Variants in RERE observed in about 807,000 individuals in gnomAD.
RERE encodes the protein arginine-glutamic acid dipeptide repeats, also known as arginine-glutamic acid dipeptide repeats protein.
In RERE, 40 loss-of-function variants were observed where a neutral mutation model predicts 146.1. That is an observed-to-expected ratio of 0.27 (90% CI 0.21 to 0.36). The LOEUF (loss-of-function observed/expected upper bound fraction) is 0.36. Among genes scored for constraint, RERE ranks in the 10% least tolerant of loss-of-function variants. RERE has a pLI of 1.00. For synonymous variants in RERE, 1,003 were observed against 866.0 expected (o/e 1.16, Z -2.78); for missense variants, 1,933 against 2,138.7 (o/e 0.90, Z 1.90).
chr1:8,451,157 G>A (rs1314117742), intron 11 of RERE, among the ~76,000 whole-genome samples: 4 of 152,130 alleles, frequency 2.6e-5, no homozygotes, highest in Non-Finnish European at 2.9e-5. Flanking sequence ...TCAGCTGGGC[G>A]CGGTGGCTCA....
intron 11 of RERE, among the ~76,000 whole-genome samples, chr1:8,438,859 C>T (rs1198231657): frequency 1.3e-5 from 2 of 152,172 alleles, no homozygotes; most frequent in African/African-American, 2.4e-5. Context: ...AAGCTCATTA[C>T]AGGCCCTAAT....
chr1:8,759,156 G>A (rs1378169082), intron 1 of RERE, among the ~76,000 whole-genome samples: 1 of 152,114 alleles, frequency 6.6e-6, no homozygotes, highest in Middle Eastern at 3.2e-3. Context: ...TCAAAGAAAG[G>A]AAAGAGGTAT....
intron 1 of RERE, among the ~76,000 whole-genome samples, chr1:8,808,332 G>A (rs1027490617): frequency 1.3e-5 from 2 of 152,014 alleles, no homozygotes; most frequent in African/African-American, 4.8e-5. Flanking sequence ...ACCTCAAAGA[G>A]AATCTATTCA....
intron 1 of RERE, among the ~76,000 whole-genome samples, chr1:8,804,358 G>A (rs1040737373): frequency 1.3e-5 from 2 of 152,116 alleles, no homozygotes; most frequent in African/African-American, 2.4e-5. Flanking sequence ...AACTGGAGGT[G>A]GGGGGTTATT....
intron 1 of RERE, among the ~76,000 whole-genome samples, chr1:8,666,358 C>G (rs982147119): frequency 1.3e-5 from 2 of 152,228 alleles, no homozygotes; most frequent in African/African-American, 4.8e-5. Context: ...TTAGCATCCT[C>G]CTTTAGGAAC....
intron 4 of RERE, among the ~76,000 whole-genome samples, chr1:8,592,242 G>A (rs1646503602): frequency 6.6e-6 from 1 of 152,056 alleles, no homozygotes; most frequent in Non-Finnish European, 1.5e-5. Context: ...ACAGGCTCCT[G>A]CCCTTCCAAA....
chr1:8,455,549 C>T (rs1417458824), intron 11 of RERE, among the ~76,000 whole-genome samples: 2 of 152,172 alleles, frequency 1.3e-5, no homozygotes, highest in Non-Finnish European at 2.9e-5. Flanking sequence ...GAGTTGGTTG[C>T]TCCTTCCAAA....
chr1:8,550,156 G>C (rs1468800305), intron 6 of RERE, among the ~76,000 whole-genome samples: 1 of 152,168 alleles, frequency 6.6e-6, no homozygotes, highest in East Asian at 1.9e-4. Context: ...CTGAGTACTT[G>C]TAACTTTGCT....
intron 1 of RERE, among the ~76,000 whole-genome samples, chr1:8,716,842 G>A (rs1311742536): frequency 6.6e-6 from 1 of 151,956 alleles, no homozygotes; most frequent in Non-Finnish European, 1.5e-5. Context: ...CCTAGCCAAA[G>A]AAGCAATCAA....
At chr1:8,450,792 T>A (rs1644381801) in intron 11 of RERE, among the ~76,000 whole-genome samples, 1 of 152,152 alleles carries the variant, frequency 6.6e-6, no homozygotes, top group Admixed American at 6.5e-5. Context: ...CTCCTTCTTA[T>A]CCTGTGACCA....
intron 1 of RERE, among the ~76,000 whole-genome samples, chr1:8,756,840 C>A (rs1640647793): frequency 6.6e-6 from 1 of 152,048 alleles, no homozygotes. Flanking sequence ...ACCTGTAATC[C>A]CAGCACTTTG....
intron 11 of RERE, chr1:8,424,283 G>C (rs1337505300): frequency 1.3e-5 from 2 of 152,256 alleles, no homozygotes; most frequent in Admixed American, 6.5e-5. Flanking sequence ...CACCGCGGAA[G>C]CTTCCCAGCC....
rs1646222418 is a variant in RERE, at chr1:8,571,629, C to A, written c.523-14106G>T. On this transcript the variant is annotated intron_variant, in intron 4 of 22. Coordinates refer to ENST00000400908, the MANE Select transcript of RERE (RefSeq NM_001042681.2). ...CTTATCTTAAATATCTTAATTATTT[C>A]TTCTCTTCCTTTAACTTAAACCAAA... 2.0e-5 allele frequency among the ~76,000 whole-genome samples: 3 copies of A among 152,182 alleles called. No individual in the cohort carries two copies. The South Asian group carries it at 6.2e-4, about 31-fold the overall frequency.
At chr1:8,428,747 G>A (rs949862646) in intron 11 of RERE, among the ~76,000 whole-genome samples, 1 of 152,142 alleles carries the variant, frequency 6.6e-6, no homozygotes, top group African/African-American at 2.4e-5. Flanking sequence ...TTCTGACATG[G>A]CTGTTTAGAC....
chr1:8,814,646 T>A (rs148178530), intron 1 of RERE, among the ~76,000 whole-genome samples: 28 of 152,342 alleles, frequency 1.8e-4, no homozygotes, highest in African/African-American at 6.5e-4. Context: ...GAAAAACCTC[T>A]GTCCAGTGCT....
At chr1:8,630,963 A>T (rs1647028246) in intron 2 of RERE, among the ~76,000 whole-genome samples, 1 of 152,216 alleles carries the variant, frequency 6.6e-6, no homozygotes, top group African/African-American at 2.4e-5. Flanking sequence ...CCATGTATTG[A>T]AATGTCTATA....
At chr1:8,478,243 C>A (rs12402539) in intron 10 of RERE, among the ~76,000 whole-genome samples, 25,298 of 152,144 alleles carry the variant, frequency 0.17, 2,358 homozygotes, top group Middle Eastern at 0.29. Flanking sequence ...CTAACAGTTG[C>A]ACATTCTTTT....
chr1:8,360,421 GC>G lies in RERE; in HGVS notation c.3085del (p.Ala1029ProfsTer52). On this transcript the variant is annotated frameshift_variant, in exon 18 of 23. Coordinates refer to ENST00000400908, the MANE Select transcript of RERE (RefSeq NM_001042681.2). LOFTEE classifies it high-confidence loss of function. ...SHPPTGLHQVAPQPPFAQHPF... is the reference protein window; with the variant it reads ...SHPPTGLHQVXPQPPFAQHPF... Reference sequence around the variant, plus strand: ...GTGCTGAGCAAACGGGGGTTGGGGGGCCACCTGGTGGAGGCCTGTAGGGGGG... The same window carrying G: ...GTGCTGAGCAAACGGGGGTTGGGGGGCACCTGGTGGAGGCCTGTAGGGGGG... The G allele has an allele frequency of 1.8e-6, 1 of 557,604 alleles. No individual in the cohort carries two copies. The highest frequency in any genetic ancestry group is 2.4e-6 in the Non-Finnish European group (1 of 417,322). The allele number at this position is 557,604 out of a possible 1,614,324, so 34.5% of individuals were successfully genotyped here.
intron 7 of RERE, among the ~76,000 whole-genome samples, chr1:8,508,888 C>T (rs1645292684): frequency 6.6e-6 from 1 of 152,100 alleles, no homozygotes; most frequent in African/African-American, 2.4e-5. Flanking sequence ...CTAAGAACTG[C>T]AGCTTCCTTT....
Sources: allele counts gnomAD v4.1 joint callset (sites outside exome capture counted in the v4.1 genomes callset), GRCh38; gene constraint gnomAD v4.1.1; transcripts MANE v1.5; gene names NCBI Gene and HGNC (gene_info 2026-07-23, HGNC 2026-07-21).